Variants in DAB1 observed in about 807,000 individuals in gnomAD.
The protein encoded by DAB1 is DAB adaptor protein 1.
A neutral mutation model predicts 64.6 loss-of-function variants in DAB1; 15 were observed. The ratio of observed to expected loss-of-function variants is 0.23; its 90% CI spans 0.16 to 0.36. The LOEUF is 0.36. DAB1 is among the 10% of genes least tolerant of loss of function. The pLI, the probability that DAB1 is intolerant of heterozygous loss-of-function variation, is 1.00. For synonymous variants in DAB1, 235 were observed against 251.9 expected (o/e 0.93, Z 0.64); for missense variants, 596 against 706.7 (o/e 0.84, Z 1.78).
At chr1:57,911,968 T>G (rs1421037845) in intron 5 of DAB1, among the ~76,000 whole-genome samples, 5 of 152,288 alleles carry the variant, frequency 3.3e-5, no homozygotes, top group Non-Finnish European at 7.4e-5. Flanking sequence ...ACCCCCTCCA[T>G]GTGAAATACC....
intron 1 of DAB1, among the ~76,000 whole-genome samples, chr1:57,859,226 T>C (rs1653895335): frequency 6.6e-6 from 1 of 152,174 alleles, no homozygotes; most frequent in Non-Finnish European, 1.5e-5. Context: ...TTGTTTCTCA[T>C]CTCCCTGCCT....
intron 7 of DAB1, among the ~76,000 whole-genome samples, chr1:57,558,341 T>C (rs930214156): frequency 1.3e-5 from 2 of 152,110 alleles, no homozygotes; most frequent in Non-Finnish European, 2.9e-5. Context: ...TAATGTTGAT[T>C]CTCCTCAGGA....
chr1:57,273,931 C>T lies in DAB1; in HGVS notation c.67+17033G>A, dbSNP rs1055763967. Among the ~76,000 whole-genome samples the T allele has an allele frequency of 3.3e-5, 5 of 152,188 alleles. No individual in the cohort carries two copies. The South Asian group carries it at 1.0e-3, about 32-fold the overall frequency. On this transcript the variant is annotated intron_variant, in intron 2 of 14. Coordinates refer to ENST00000371236, the MANE Select transcript of DAB1 (RefSeq NM_001365792.1). ...GTGAGTCCACTTCCTACACATAGGC[C>T]TTCCAGATGCAAACCTCACCCTATT...
intron 7 of DAB1, among the ~76,000 whole-genome samples, chr1:57,621,624 C>T (rs747640519): frequency 2.0e-5 from 3 of 152,046 alleles, no homozygotes; most frequent in Admixed American, 6.6e-5. Context: ...CTCACACCTG[C>T]GCCTCTGGAT....
Position 58,215,401 on chromosome 1 carries a change from G to GT in DAB1, n.310-64814dup, listed in dbSNP as rs57757954. On this transcript the variant is annotated intron_variant and non_coding_transcript_variant, in intron 4 of 20. Coordinates refer to the DAB1 transcript ENST00000485760. Reference sequence around the variant, plus strand: ...AATCTCTGGTCCACTCCATGATAGTGTTTTTTTTTTTTTTTTTACCGTATT... The same window carrying GT: ...AATCTCTGGTCCACTCCATGATAGTGTTTTTTTTTTTTTTTTTTACCGTATT... Among the ~76,000 whole-genome samples, 766 of 145,750 alleles carry GT rather than the reference G, an allele frequency of 5.3e-3. 1 individual carries two copies. The highest frequency in any genetic ancestry group is 0.015 in the South Asian group (71 of 4,586).
At chr1:57,226,096 G>A (rs1667240334) in intron 2 of DAB1, among the ~76,000 whole-genome samples, 1 of 151,894 alleles carries the variant, frequency 6.6e-6, no homozygotes, top group South Asian at 2.1e-4. Context: ...TCTAAATGTT[G>A]AGATCCCTCA....
At chr1:57,040,416 C>T (rs1357401436) in intron 9 of DAB1, among the ~76,000 whole-genome samples, 1 of 152,116 alleles carries the variant, frequency 6.6e-6, no homozygotes, top group East Asian at 1.9e-4. Flanking sequence ...ACACAGAGCT[C>T]TCTAGAAACA....
chr1:57,640,764 C>T (rs1455057698), intron 7 of DAB1, among the ~76,000 whole-genome samples: 1 of 152,188 alleles, frequency 6.6e-6, no homozygotes, highest in Non-Finnish European at 1.5e-5. Context: ...TTCAATGGGA[C>T]ACCCAGAGCT....
At chr1:57,194,277 A>T (rs766036334) in intron 2 of DAB1, among the ~76,000 whole-genome samples, 1 of 152,136 alleles carries the variant, frequency 6.6e-6, no homozygotes, top group Admixed American at 6.5e-5. Context: ...AATGCTTCTC[A>T]GAGCTGGCCA....
At chr1:58,057,976 C>T (rs1648243844) in intron 5 of DAB1, among the ~76,000 whole-genome samples, 1 of 120,826 alleles carries the variant, frequency 8.3e-6, no homozygotes, top group African/African-American at 3.1e-5. Flanking sequence ...TTAGGGAAGC[C>T]TCTCTTCTGA....
At chr1:58,399,883 TTGAG>T in intron 3 of DAB1, among the ~76,000 whole-genome samples, 1 of 152,142 alleles carries the variant, frequency 6.6e-6, no homozygotes, top group East Asian at 1.9e-4. Context: ...AGATTTGTCT[TTGAG>T]TGAGACACTG....
At chr1:57,936,075 T>G (rs1279892837) in intron 5 of DAB1, among the ~76,000 whole-genome samples, 1 of 152,240 alleles carries the variant, frequency 6.6e-6, no homozygotes, top group African/African-American at 2.4e-5. Context: ...GCACATTGTT[T>G]TGGGATCTCA....
At chr1:57,948,761 A>G (rs12022297) in intron 5 of DAB1, among the ~76,000 whole-genome samples, 61,469 of 152,022 alleles carry the variant, frequency 0.4, 13,566 homozygotes, top group Admixed American at 0.51. Flanking sequence ...AACAATGTAA[A>G]TCTGAAGTTA....
intron 3 of DAB1, among the ~76,000 whole-genome samples, chr1:58,466,809 C>T (rs1645301645): frequency 6.6e-6 from 1 of 152,218 alleles, no homozygotes; most frequent in Non-Finnish European, 1.5e-5. Context: ...CATAACTGGT[C>T]TGTGCAGGGG....
chr1:58,188,108 C>G (rs1041576436), intron 4 of DAB1, among the ~76,000 whole-genome samples: 2 of 151,722 alleles, frequency 1.3e-5, no homozygotes, highest in Non-Finnish European at 2.9e-5. Flanking sequence ...GGGGTTTCAC[C>G]ATGTTGGCCA....
In DAB1 at chr1:57,916,386, G is replaced by A. The variant is rs144029081; in HGVS notation, n.388-32224C>T. 2.5e-3 allele frequency among the ~76,000 whole-genome samples: 373 copies of A among 152,240 alleles called. 2 individuals are homozygous for A. The highest frequency in any genetic ancestry group is 8.5e-3 in the African/African-American group (352 of 41,530). On this transcript the variant is annotated intron_variant and non_coding_transcript_variant, in intron 5 of 20. Coordinates refer to the DAB1 transcript ENST00000485760. ...CATAGGCAAACCTTCCCAAAACTCC[G>A]ATTTCTTCATGTTCAAAAACCAAGA...
At chr1:57,902,413 C>A (rs1227150593) in intron 5 of DAB1, among the ~76,000 whole-genome samples, 2 of 151,742 alleles carry the variant, frequency 1.3e-5, no homozygotes, top group African/African-American at 2.4e-5. Context: ...TTCTGGGTAA[C>A]CACAATACTA....
intron 7 of DAB1, among the ~76,000 whole-genome samples, chr1:57,475,662 T>C (rs1201611434): frequency 6.6e-6 from 1 of 152,152 alleles, no homozygotes; most frequent in African/African-American, 2.4e-5. Flanking sequence ...TATGGGTCCT[T>C]AGTGGCAGAA....
chr1:58,083,164 C>T (rs769114445), intron 5 of DAB1, among the ~76,000 whole-genome samples: 2 of 152,132 alleles, frequency 1.3e-5, no homozygotes, highest in South Asian at 2.1e-4. Context: ...AATAAAGGCA[C>T]GTCAGCTGAT....
Sources: gnomAD v4.1 joint callset for allele counts (sites outside exome capture counted in the v4.1 genomes callset) on GRCh38, gnomAD v4.1.1 for gene constraint, MANE v1.5 for transcripts, NCBI Gene and HGNC (gene_info 2026-07-23, HGNC 2026-07-21) for gene names.